PTPRD: variants seen among roughly 807,000 people sequenced by gnomAD.
PTPRD encodes protein tyrosine phosphatase receptor type D.
PTPRD carries 34 observed loss-of-function variants against 214.5 expected under a neutral mutation model. The observed-to-expected ratio is 0.16, with a 90% CI of 0.12 to 0.21. The LOEUF is 0.21. Among genes scored for constraint, PTPRD ranks in the 10% least tolerant of loss-of-function variants. The probability of loss-of-function intolerance (pLI) is 1.00; values close to 1 mark genes in which losing one functional copy is unlikely to be tolerated. For missense variants in PTPRD, 2,545 were observed against 2,398.7 expected (o/e 1.06, Z -1.27); for synonymous variants, 1,128 against 845.7 (o/e 1.33, Z -5.79).
At chr9:10,504,619 A>T (rs2045263771) in intron 2 of PTPRD, among the ~76,000 whole-genome samples, 1 of 152,154 alleles carries the variant, frequency 6.6e-6, no homozygotes, top group African/African-American at 2.4e-5. Context: ...ACTCTTCCGA[A>T]TTCGTCAATT....
intron 12 of PTPRD, among the ~76,000 whole-genome samples, chr9:8,711,941 G>A (rs1216303022): frequency 1.3e-5 from 2 of 152,164 alleles, no homozygotes; most frequent in Non-Finnish European, 2.9e-5. Context: ...AGTGAAAGAA[G>A]CCAGACCCAA....
At chr9:9,029,560 A>G (rs1348386452) in intron 10 of PTPRD, among the ~76,000 whole-genome samples, 2 of 151,922 alleles carry the variant, frequency 1.3e-5, no homozygotes, top group Non-Finnish European at 2.9e-5. Flanking sequence ...CTTTCAGAAT[A>G]ATTAACACCA....
chr9:9,257,150 T>C (rs1399521308), intron 9 of PTPRD, among the ~76,000 whole-genome samples: 1 of 151,950 alleles, frequency 6.6e-6, no homozygotes. Context: ...TAAAATCTCC[T>C]CTTTTGTGGG....
At chr9:8,808,910 G>C (rs893965171) in intron 11 of PTPRD, among the ~76,000 whole-genome samples, 1 of 152,160 alleles carries the variant, frequency 6.6e-6, no homozygotes, top group Non-Finnish European at 1.5e-5. Flanking sequence ...AGCATGAACA[G>C]TGTTTACACT....
chr9:9,048,690 G>C (rs1312089250), intron 10 of PTPRD, among the ~76,000 whole-genome samples: 1 of 152,054 alleles, frequency 6.6e-6, no homozygotes, highest in East Asian at 1.9e-4. Flanking sequence ...GGGGCAGGTG[G>C]GGAGGTAGGG....
At chr9:9,830,455 G>C (rs1309600733) in intron 5 of PTPRD, among the ~76,000 whole-genome samples, 1 of 151,772 alleles carries the variant, frequency 6.6e-6, no homozygotes, top group Admixed American at 6.6e-5. Flanking sequence ...TCCTATTTTT[G>C]ATAGATAATC....
chr9:8,687,288 A>G (rs1040196292), intron 12 of PTPRD, among the ~76,000 whole-genome samples: 3 of 152,218 alleles, frequency 2.0e-5, no homozygotes, highest in Non-Finnish European at 4.4e-5. Flanking sequence ...CAATTTTTCT[A>G]TGTTAAAATT....
At chr9:8,823,461 T>C (rs912125191) in intron 11 of PTPRD, among the ~76,000 whole-genome samples, 3 of 152,058 alleles carry the variant, frequency 2.0e-5, no homozygotes, top group African/African-American at 7.2e-5. Context: ...GCCAGCAAGT[T>C]TATATGCCAG....
intron 11 of PTPRD, among the ~76,000 whole-genome samples, chr9:8,854,303 TAAAG>T (rs1158163922): frequency 6.6e-6 from 1 of 152,112 alleles, no homozygotes; most frequent in Admixed American, 6.5e-5. Context: ...ACAATGAAAC[TAAAG>T]AAGGGTTGTT....
intron 39 of PTPRD, among the ~76,000 whole-genome samples, chr9:8,373,862 C>A (rs201294076): frequency 3.4e-3 from 241 of 70,080 alleles, no homozygotes; most frequent in Middle Eastern, 0.014. Context: ...ATGTGTCTGT[C>A]TGTCTATCTA....
At chr9:10,267,772 G>A (rs1383188723) in intron 3 of PTPRD, among the ~76,000 whole-genome samples, 2 of 151,928 alleles carry the variant, frequency 1.3e-5, no homozygotes, top group Non-Finnish European at 2.9e-5. Context: ...GATAACAACA[G>A]GAAGACCAAC....
intron 6 of PTPRD, among the ~76,000 whole-genome samples, chr9:9,740,518 C>T (rs2821464): frequency 0.5 from 75,554 of 151,732 alleles, 22,499 homozygotes; most frequent in African/African-American, 0.83. Context: ...CCACCACGCC[C>T]GGCTAATTTT....
intron 12 of PTPRD, among the ~76,000 whole-genome samples, chr9:8,725,208 T>A (rs188178437): frequency 6.6e-6 from 1 of 152,322 alleles, no homozygotes; most frequent in African/African-American, 2.4e-5. Context: ...GGATTACTTT[T>A]CAGAACAGAT....
Position 8,548,764 on chromosome 9 carries a change from G to A in PTPRD, c.353-19985C>T, listed in dbSNP as rs192467475. On this transcript the variant is annotated intron_variant, in intron 14 of 45. Transcript: ENST00000381196. ...GGCTAGAGTGCAATGGTGCAATCTC[G>A]GCTCACGGCAACCTCCGCCTCCCAG... 4.7e-5 allele frequency among the ~76,000 whole-genome samples: 6 copies of A among 128,666 alleles called. No individual in the cohort carries two copies. The East Asian group carries it at 9.9e-4, about 21-fold the overall frequency. The allele number at this position is 128,666 out of a possible 152,430, so 84.4% of individuals were successfully genotyped here.
intron 5 of PTPRD, among the ~76,000 whole-genome samples, chr9:9,907,385 G>A (rs1271067742): frequency 3.3e-5 from 5 of 151,896 alleles, no homozygotes. Flanking sequence ...TTTTCTCACA[G>A]TTTTAAGAGG....
At chr9:9,197,282 G>C (rs1488727809) in intron 9 of PTPRD, among the ~76,000 whole-genome samples, 5 of 151,990 alleles carry the variant, frequency 3.3e-5, no homozygotes, top group African/African-American at 1.2e-4. Flanking sequence ...CCTTACTAAA[G>C]TCCCCATAGT....
At chr9:8,341,663 T>G in intron 40 of PTPRD, 30 bp downstream of exon 40, 1 of 1,604,486 alleles carries the variant, frequency 6.2e-7, no homozygotes, top group Non-Finnish European at 8.5e-7. Context: ...GACTTGCTCC[T>G]GAATAACCAC....
At chr9:9,012,058 G>A (rs2099513981) in intron 11 of PTPRD, among the ~76,000 whole-genome samples, 1 of 152,138 alleles carries the variant, frequency 6.6e-6, no homozygotes, top group South Asian at 2.1e-4. Flanking sequence ...CTTTAAAGAA[G>A]CAAGGTACCA....
chr9:10,163,071 G>A (rs1256963199), intron 3 of PTPRD, among the ~76,000 whole-genome samples: 1 of 150,648 alleles, frequency 6.6e-6, no homozygotes, highest in Non-Finnish European at 1.5e-5. Flanking sequence ...AAAGAAATAA[G>A]AAAAGGAATC....
Sources: gnomAD v4.1 joint callset for allele counts (sites outside exome capture counted in the v4.1 genomes callset) on GRCh38, gnomAD v4.1.1 for gene constraint, MANE v1.5 for transcripts, NCBI Gene and HGNC (gene_info 2026-07-23, HGNC 2026-07-21) for gene names.